Variants in DPP10 observed in about 807,000 individuals in gnomAD.
DPP10 encodes dipeptidyl peptidase like 10.
DPP10 carries 33 observed loss-of-function variants against 120.9 expected under a neutral mutation model. The observed-to-expected ratio is 0.27, with a 90% CI of 0.21 to 0.37. DPP10 has a LOEUF of 0.37. Ranked by LOEUF, DPP10 falls within the 10% of genes least tolerant of loss-of-function variation. The pLI, the probability that DPP10 is intolerant of heterozygous loss-of-function variation, is 1.00. For missense variants in DPP10, 816 were observed against 942.8 expected (o/e 0.87, Z 1.76); for synonymous variants, 337 against 326.1 (o/e 1.03, Z -0.36).
At chr2:115,327,338 CAT>C (rs2062428416) in intron 2 of DPP10, among the ~76,000 whole-genome samples, 1 of 152,010 alleles carries the variant, frequency 6.6e-6, no homozygotes, top group Non-Finnish European at 1.5e-5. Flanking sequence ...CATTTAGTGA[CAT>C]GTGATTGTAC....
At chr2:115,614,973 A>G (rs1190141149) in intron 5 of DPP10, among the ~76,000 whole-genome samples, 1 of 152,218 alleles carries the variant, frequency 6.6e-6, no homozygotes, top group Non-Finnish European at 1.5e-5. Context: ...TCTGCTTTTA[A>G]ATAATATAAA....
At chr2:115,034,560 A>T (rs1472277378) in intron 1 of DPP10, among the ~76,000 whole-genome samples, 2 of 152,208 alleles carry the variant, frequency 1.3e-5, no homozygotes, top group Non-Finnish European at 2.9e-5. Context: ...TTTTCTATGT[A>T]TATGAGAATG....
At chr2:115,746,680 A>G (rs1678021593) in intron 10 of DPP10, among the ~76,000 whole-genome samples, 1 of 152,170 alleles carries the variant, frequency 6.6e-6, no homozygotes, top group Admixed American at 6.5e-5. Flanking sequence ...AAACTTGATC[A>G]GGGAGAAAGT....
At chr2:114,736,980 A>C (rs970348600) in intron 1 of DPP10, among the ~76,000 whole-genome samples, 13 of 152,206 alleles carry the variant, frequency 8.5e-5, no homozygotes, top group Non-Finnish European at 1.6e-4. Context: ...ACATAGAAAC[A>C]TGTATAAATG....
chr2:115,604,367 C>T (rs1424596645), intron 5 of DPP10, among the ~76,000 whole-genome samples: 2 of 152,158 alleles, frequency 1.3e-5, no homozygotes, highest in Non-Finnish European at 2.9e-5. Context: ...ATCTAAAAAA[C>T]TATCCAGCTT....
rs1467866164 is a variant in DPP10 at position 115,602,502 on chromosome 2, TA to T, written c.441+76537del. ...TCATTCAACATTCAAAAGCATCTTT[TA>T]AAAAAATTATTTTTTTAGTCTTTCT... On this transcript the variant is annotated intron_variant, in intron 5 of 25. Transcript: ENST00000410059. Among the ~76,000 whole-genome samples the T allele has an allele frequency of 2.0e-5, 3 of 152,216 alleles. 1 individual carries two copies. The highest frequency in any genetic ancestry group is 1.3e-4 in the Admixed American group (2 of 15,280).
chr2:115,665,958 T>A (rs1395108922), intron 5 of DPP10, among the ~76,000 whole-genome samples: 3 of 152,064 alleles, frequency 2.0e-5, no homozygotes, highest in Non-Finnish European at 1.5e-5. Flanking sequence ...AAATTGTGTG[T>A]CACAGGAGTT....
chr2:114,937,829 T>C (rs1010619961), intron 1 of DPP10, among the ~76,000 whole-genome samples: 2 of 152,166 alleles, frequency 1.3e-5, no homozygotes, highest in African/African-American at 4.8e-5. Context: ...CTAAAAGCCG[T>C]CTTTGTTCCG....
At chr2:114,982,561 A>G (rs997591679) in intron 1 of DPP10, among the ~76,000 whole-genome samples, 1 of 152,170 alleles carries the variant, frequency 6.6e-6, no homozygotes, top group Admixed American at 6.5e-5. Flanking sequence ...AAAATATGAA[A>G]AAAATCAAAA....
At chr2:115,401,066 G>A (rs1489494922) in intron 3 of DPP10, among the ~76,000 whole-genome samples, 1 of 152,170 alleles carries the variant, frequency 6.6e-6, no homozygotes, top group Non-Finnish European at 1.5e-5. Context: ...CTGAAAATGA[G>A]CGAGCCATAG....
chr2:114,921,938 C>A (rs1012568172), intron 1 of DPP10, among the ~76,000 whole-genome samples: 10 of 152,156 alleles, frequency 6.6e-5, no homozygotes, highest in Non-Finnish European at 1.3e-4. Flanking sequence ...ATTTTCTGAG[C>A]CACCTACTCT....
chr2:115,303,709 A>T (rs2061243714), intron 1 of DPP10, among the ~76,000 whole-genome samples: 1 of 151,824 alleles, frequency 6.6e-6, no homozygotes, highest in South Asian at 2.1e-4. Context: ...TCTTTCTCAG[A>T]CTTTATGCTC....
chr2:114,557,815 T>G (rs1282968275), intron 1 of DPP10, among the ~76,000 whole-genome samples: 5 of 152,174 alleles, frequency 3.3e-5, no homozygotes, highest in Non-Finnish European at 5.9e-5. Flanking sequence ...TTGGGGCTCA[T>G]GTAGGCCACA....
chr2:114,505,777 C>T (rs1450633108), intron 1 of DPP10, among the ~76,000 whole-genome samples: 1 of 152,208 alleles, frequency 6.6e-6, no homozygotes, highest in African/African-American at 2.4e-5. Context: ...TCCCTTCAGT[C>T]TTCTCGGACT....
intron 19 of DPP10, among the ~76,000 whole-genome samples, chr2:115,800,012 C>T (rs879133762): frequency 2.0e-3 from 254 of 129,664 alleles, no homozygotes; most frequent in Middle Eastern, 4.6e-3. Flanking sequence ...ATCGCCACAC[C>T]GACTTCCACA....
At chr2:115,426,644 C>G (rs1458698188) in intron 3 of DPP10, among the ~76,000 whole-genome samples, 1 of 151,904 alleles carries the variant, frequency 6.6e-6, no homozygotes, top group East Asian at 1.9e-4. Context: ...ACCTCCGACG[C>G]TGGAGATGAC....
At chr2:115,488,873 A>T (rs2075919658) in intron 3 of DPP10, among the ~76,000 whole-genome samples, 1 of 59,570 alleles carries the variant, frequency 1.7e-5, no homozygotes, top group Non-Finnish European at 4.3e-5. Context: ...TAAAACTTAG[A>T]GTATAATAAA....
rs1176240944 is a variant in DPP10 at position 115,406,201 on chromosome 2, C to G, written c.271+62289C>G. Among the ~76,000 whole-genome samples the G allele has an allele frequency of 2.6e-5, 4 of 152,162 alleles. No individual in the cohort carries two copies. In the East Asian group the frequency reaches 7.7e-4, roughly 29 times the overall value. ...CCCTAGGACAGGGACACAATATGAT[C>G]AAGTTCTCTGCTAATGTCTAACAAA... On this transcript the variant is annotated intron_variant, in intron 3 of 25. Coordinates refer to ENST00000410059, the MANE Select transcript of DPP10 (RefSeq NM_020868.6).
At chr2:114,897,229 A>G (rs141276527) in intron 1 of DPP10, among the ~76,000 whole-genome samples, 4,273 of 152,292 alleles carry the variant, frequency 0.028, 87 homozygotes, top group Non-Finnish European at 0.045. Flanking sequence ...CAGCTTTGGT[A>G]TCAGGATGAT....
Sources: gnomAD v4.1 joint callset for allele counts (sites outside exome capture counted in the v4.1 genomes callset) on GRCh38, gnomAD v4.1.1 for gene constraint, MANE v1.5 for transcripts, NCBI Gene and HGNC (gene_info 2026-07-23, HGNC 2026-07-21) for gene names.